The following DSC3 variants were observed in gnomAD, a reference collection of about 807,000 sequenced individuals.
DSC3 encodes the protein desmocollin 3, also known as desmocollin-3.
In DSC3, 97 loss-of-function variants were observed where a neutral mutation model predicts 89.5. The ratio of observed to expected loss-of-function variants is 1.08; its 90% CI spans 0.92 to 1.28. DSC3 has a LOEUF of 1.28. DSC3 is among the 50% of genes most tolerant of loss of function. DSC3 has a pLI of 0.00. For synonymous variants in DSC3, 436 were observed against 384.1 expected, an observed-to-expected ratio of 1.14 and a Z score of -1.58; for missense variants, 1,199 against 1,085.3, an observed-to-expected ratio of 1.10 and a Z score of -1.47.
chr18:31,022,059 C>T (rs1458467060), intron 7 of DSC3, among the ~76,000 whole-genome samples: 1 of 151,998 alleles, frequency 6.6e-6, no homozygotes, highest in Non-Finnish European at 1.5e-5. Flanking sequence ...TGAACTGGAA[C>T]CAACTAGCCA....
At chr18:31,032,152 A>G in intron 2 of DSC3, 40 bp downstream of exon 2, 1 of 1,427,682 alleles carries the variant, frequency 7.0e-7, no homozygotes, top group Non-Finnish European at 9.9e-7. Context: ...GCCTATGTAA[A>G]CTAAATTTCT....
chr18:31,000,851 A>G (rs1435029882), intron 14 of DSC3, among the ~76,000 whole-genome samples: 1 of 151,816 alleles, frequency 6.6e-6, no homozygotes, highest in Non-Finnish European at 1.5e-5. Context: ...TTGAACTCTG[A>G]CAGTGCTTTA....
rs148074952 is a variant in DSC3, at chr18:31,040,917, G to A, written c.69+1675C>T. ...TGCAAGTGTTTGTAAACTGACAATTGCAGATGAAATAGTCATTTTCTGTGC... is the reference window on the plus strand; with the variant it reads ...TGCAAGTGTTTGTAAACTGACAATTACAGATGAAATAGTCATTTTCTGTGC... On this transcript the variant is annotated intron_variant, in intron 1 of 15. Transcript: ENST00000360428. Among the ~76,000 whole-genome samples, 852 of 152,164 alleles carry A rather than the reference G, an allele frequency of 5.6e-3. 14 individuals carry two copies. Among genetic ancestry groups the A allele is most frequent in the African/African-American group, 0.019 (794 of 41,500 alleles).
chr18:31,042,503 C>G (rs2144750125), intron 1 of DSC3, 89 bp downstream of exon 1: 1 of 1,353,322 alleles, frequency 7.4e-7, no homozygotes, highest in East Asian at 2.5e-5. Context: ...TGTCACGTTT[C>G]GGCCCGCTTT....
At chr18:31,009,922 T>A (rs1031869477) in intron 9 of DSC3, among the ~76,000 whole-genome samples, 1 of 152,208 alleles carries the variant, frequency 6.6e-6, no homozygotes, top group Admixed American at 6.5e-5. Context: ...CTCTAAAAAA[T>A]TTCCAAATCA....
In DSC3 at chr18:30,994,273, C is replaced by T. The variant is rs756616351; in HGVS notation, c.2593G>A (p.Gly865Ser). 10 of 1,613,918 alleles carry T rather than the reference C, an allele frequency of 6.2e-6. No homozygotes were observed. The African/African-American group carries it at 1.1e-4, about 17-fold the overall frequency. The change falls in exon 16 of 16, where the codon GGC (glycine) becomes AGC (serine). Residue 865 changes from glycine (G) to serine (S), a missense_variant. Transcript: ENST00000360428. ...TCTTCCTGCTTTTCACTGCAGCAGC[C>T]CACAGAACCAGCTGGAGATCCTCTT... Reference protein sequence around the residue: ...EGRGSPAGSVGCCSEKQEEDG... With the variant: ...EGRGSPAGSVSCCSEKQEEDG...
chr18:31,004,113 T>A (rs1214617627), intron 13 of DSC3, 29 bp downstream of exon 13: 3 of 1,539,384 alleles, frequency 1.9e-6, no homozygotes, highest in Non-Finnish European at 2.7e-6. Context: ...TATTATATAT[T>A]TTAACTTCAA....
chr18:31,020,774 C>A (rs1012492000), intron 7 of DSC3, among the ~76,000 whole-genome samples: 9 of 151,834 alleles, frequency 5.9e-5, no homozygotes, highest in African/African-American at 2.2e-4. Context: ...AAAATCCTGT[C>A]TCCACAAACA....
rs1466901562 is a variant in DSC3, at chr18:30,990,445, A to G, written c.*3730T>C. 1 of 152,228 alleles carries G rather than the reference A, an allele frequency of 6.6e-6. No individual in the cohort carries two copies. The highest frequency in any genetic ancestry group is 1.5e-5 in the Non-Finnish European group (1 of 68,042). 9.4% of individuals were successfully genotyped at this position (152,228 alleles called of 1,614,324 possible). A position where few individuals can be genotyped will look rare whatever the true frequency, so the allele number is the denominator to read the frequency against. Reference sequence around the variant, plus strand: ...CATTCTTGAAGACATACACAAAAATAATGGTTACAATAGAAGTTACTGGAA... The same window carrying G: ...CATTCTTGAAGACATACACAAAAATGATGGTTACAATAGAAGTTACTGGAA... On this transcript the variant is annotated 3_prime_UTR_variant, in exon 16 of 16. Transcript: ENST00000360428.
At chr18:31,038,059 G>A (rs2144741848) in intron 1 of DSC3, among the ~76,000 whole-genome samples, 1 of 152,158 alleles carries the variant, frequency 6.6e-6, no homozygotes, top group Non-Finnish European at 1.5e-5. Context: ...ATGTTCTTAT[G>A]TGAACCCATG....
Position 31,018,165 on chromosome 18 carries a change from C to T in DSC3, c.1169G>A (p.Arg390Lys). The T allele has an allele frequency of 1.2e-6, 2 of 1,612,144 alleles. No homozygotes were observed. The highest frequency in any genetic ancestry group is 1.7e-6 in the Non-Finnish European group (2 of 1,178,870). ...TCCCTTTAAAATGGTAAAATTGACT[C>T]TCCAATTGGCAGTGTTAATTAAATC... ...DKDLINTANW[R>K]VNFTILKGNE... Residue 390 changes from arginine (R) to lysine (K), a missense_variant, in exon 9 of 16, where the codon AGA (arginine) becomes AAA (lysine). Arg to Lys is a conservative substitution (Grantham distance 26). Transcript: ENST00000360428.
rs1984359931 is a variant in DSC3, at chr18:30,993,904, A to T, written c.*271T>A. 3.0e-6 allele frequency: 1 copy of T among 330,296 alleles called. No homozygotes were observed. The highest frequency in any genetic ancestry group is 2.2e-5 in the African/African-American group (1 of 45,206). The allele number at this position is 330,296 out of a possible 1,614,324, so 20.5% of individuals were successfully genotyped here. A position where few individuals can be genotyped will look rare whatever the true frequency, so the allele number is the denominator to read the frequency against. Reference sequence around the variant, plus strand: ...ATATTTATCCAGCATATTTATTACTAAAATATCCGTAAAAAAAAAAAAGAG... The same window carrying T: ...ATATTTATCCAGCATATTTATTACTTAAATATCCGTAAAAAAAAAAAAGAG... On this transcript the variant is annotated 3_prime_UTR_variant, in exon 16 of 16. Transcript: ENST00000360428.
chr18:31,015,723 A>G lies in DSC3; in HGVS notation c.1263+2348T>C, dbSNP rs535238349. 2.0e-5 allele frequency among the ~76,000 whole-genome samples: 3 copies of G among 152,296 alleles called. No individual in the cohort carries two copies. The East Asian group carries it at 5.8e-4, about 29-fold the overall frequency. ...AAGGAGCAGATAGACAGCACACCAA[A>G]AGGTCTGAGCTTGGGTCTCTGACAG... On this transcript the variant is annotated intron_variant, in intron 9 of 15. Transcript: ENST00000360428.
At chr18:31,019,727 G>T (rs1402820244) in intron 7 of DSC3, among the ~76,000 whole-genome samples, 1 of 146,534 alleles carries the variant, frequency 6.8e-6, no homozygotes, top group Non-Finnish European at 1.5e-5. Context: ...GGAGTTTGAG[G>T]TAACAGTGAG....
chr18:31,006,877 G>C (rs1984860616), intron 12 of DSC3, 30 bp downstream of exon 12: 1 of 1,515,342 alleles, frequency 6.6e-7, no homozygotes, highest in Middle Eastern at 1.7e-4. Context: ...TTATTTCAGA[G>C]TTTATAAATC....
chr18:31,030,925 G>A (rs772200382), intron 3 of DSC3, 48 bp downstream of exon 3: 2 of 1,485,956 alleles, frequency 1.3e-6, no homozygotes, highest in East Asian at 2.5e-5. Flanking sequence ...TTTAATAAGA[G>A]TATTTTAATG....
intron 4 of DSC3, among the ~76,000 whole-genome samples, chr18:31,026,600 T>C (rs1985606837): frequency 6.6e-6 from 1 of 152,028 alleles, no homozygotes; most frequent in Non-Finnish European, 1.5e-5. Flanking sequence ...GGATATAATT[T>C]AAAGGTACAG....
intron 13 of DSC3, among the ~76,000 whole-genome samples, chr18:31,003,209 C>T (rs1199622176): frequency 6.6e-6 from 1 of 152,134 alleles, no homozygotes; most frequent in Non-Finnish European, 1.5e-5. Context: ...ATACCCTCCT[C>T]ACCAACACAC....
intron 4 of DSC3, 57 bp from the exon 5 acceptor site, chr18:31,025,972 T>G: frequency 6.1e-6 from 9 of 1,467,964 alleles, no homozygotes; most frequent in Non-Finnish European, 8.5e-6. Flanking sequence ...TTACAATATT[T>G]TTTAAATGCA....
Sources: gnomAD v4.1 joint callset for allele counts (sites outside exome capture counted in the v4.1 genomes callset) on GRCh38, gnomAD v4.1.1 for gene constraint, MANE v1.5 for transcripts, NCBI Gene and HGNC (gene_info 2026-07-23, HGNC 2026-07-21) for gene names.